Variants in STT3B observed in about 807,000 individuals in gnomAD.
STT3B encodes the protein dolichyl-diphosphooligosaccharide--protein glycosyltransferase subunit STT3B.
STT3B carries 29 observed loss-of-function variants against 96.8 expected under a neutral mutation model. The ratio of observed to expected loss-of-function variants is 0.30; its 90% confidence interval spans 0.22 to 0.41. The LOEUF is 0.41. STT3B is among the 10% of genes least tolerant of loss of function. The pLI is 1.00. For missense variants in STT3B, 640 were observed against 1,022.3 expected, an observed-to-expected ratio of 0.63 and a Z score of 5.10; for synonymous variants, 367 against 360.0, an observed-to-expected ratio of 1.02 and a Z score of -0.22.
rs1423814645 is a variant in STT3B at position 31,533,328 on chromosome 3, C to T, written c.314+16C>T. 2 of 1,509,512 alleles carry T rather than the reference C, an allele frequency of 1.3e-6. No individual in the cohort carries two copies. Among genetic ancestry groups the T allele is most frequent in the Non-Finnish European group, 1.8e-6 (2 of 1,127,554 alleles). 93.5% of individuals were successfully genotyped at this position (1,509,512 alleles called of 1,614,324 possible). On this transcript the variant is annotated intron_variant, in intron 1 of 15. Transcript: ENST00000295770. ...TCGACCCGTGGTAAGTGCCTCGCCG[C>T]CCCTCCCCCGCCCGTGGCCCGCGGG...
chr3:31,556,384 A>G (rs1697711927), intron 1 of STT3B, among the ~76,000 whole-genome samples: 1 of 152,078 alleles, frequency 6.6e-6, no homozygotes, highest in African/African-American at 2.4e-5. Context: ...TGTCCCTTTG[A>G]TGTACTAATT....
chr3:31,542,549 C>G (rs1697304880), intron 1 of STT3B, among the ~76,000 whole-genome samples: 1 of 152,168 alleles, frequency 6.6e-6, no homozygotes, highest in African/African-American at 2.4e-5. Flanking sequence ...CTACAGAATT[C>G]AAACTTAATA....
At chr3:31,598,554 C>T (rs962075428) in intron 4 of STT3B, among the ~76,000 whole-genome samples, 2 of 152,154 alleles carry the variant, frequency 1.3e-5, no homozygotes, top group African/African-American at 4.8e-5. Flanking sequence ...TGAAGGAAAA[C>T]TCTTAAAATG....
chr3:31,635,559 CAG>C (rs766225940), intron 15 of STT3B, among the ~76,000 whole-genome samples: 3 of 152,112 alleles, frequency 2.0e-5, no homozygotes, highest in Non-Finnish European at 4.4e-5. Flanking sequence ...TTACAGAAAA[CAG>C]GGACTCTAAG....
chr3:31,603,230 C>A (rs1559382544), intron 5 of STT3B, among the ~76,000 whole-genome samples: 1 of 151,982 alleles, frequency 6.6e-6, no homozygotes, highest in African/African-American at 2.4e-5. Flanking sequence ...AAGTTGTGTC[C>A]TCTTTGAGTA....
intron 1 of STT3B, among the ~76,000 whole-genome samples, chr3:31,571,949 T>C (rs1441895275): frequency 7.1e-6 from 1 of 141,300 alleles, no homozygotes; most frequent in African/African-American, 2.6e-5. Flanking sequence ...TATATAATAT[T>C]AAATATATAT....
At chr3:31,634,101 T>C (rs551332635) in intron 15 of STT3B, among the ~76,000 whole-genome samples, 10 of 152,352 alleles carry the variant, frequency 6.6e-5, no homozygotes, top group African/African-American at 2.2e-4. Context: ...ATGTGCCAGA[T>C]GTAAATTACC....
intron 2 of STT3B, among the ~76,000 whole-genome samples, chr3:31,578,722 G>A (rs890594777): frequency 1.3e-5 from 2 of 151,790 alleles, no homozygotes; most frequent in Non-Finnish European, 2.9e-5. Flanking sequence ...TAGGTATTGA[G>A]CATCCACTTT....
chr3:31,588,268 T>G (rs762941188), intron 3 of STT3B, among the ~76,000 whole-genome samples: 4 of 152,086 alleles, frequency 2.6e-5, no homozygotes, highest in Admixed American at 6.6e-5. Context: ...TTTTTTTTTG[T>G]GCAGGTACTA....
chr3:31,606,859 G>C (rs1205662768), intron 5 of STT3B, among the ~76,000 whole-genome samples: 1 of 152,180 alleles, frequency 6.6e-6, no homozygotes, highest in African/African-American at 2.4e-5. Flanking sequence ...CTCAATGCTA[G>C]CCCATGAAAG....
chr3:31,615,777 C>A (rs927448941), intron 6 of STT3B, among the ~76,000 whole-genome samples: 1 of 151,890 alleles, frequency 6.6e-6, no homozygotes, highest in African/African-American at 2.4e-5. Flanking sequence ...ATAATACTTA[C>A]TTAACCATTG....
At chr3:31,616,836 T>C in intron 6 of STT3B, 93 bp from the exon 7 acceptor site, 1 of 1,127,186 alleles carries the variant, frequency 8.9e-7, no homozygotes, top group Non-Finnish European at 1.3e-6. Flanking sequence ...ATATGAATGG[T>C]GCAGGACATT....
At position 31,617,034 on chromosome 3, in the gene STT3B, C is replaced by T; in HGVS notation, c.1082C>T (p.Ala361Val). Reference sequence around the variant, plus strand: ...TTCTTTTTGGGTGTATCACTAGCTGCAGGTGCTGTGTTCCTTAGTGTCATC... The same window carrying T: ...TTCTTTTTGGGTGTATCACTAGCTGTAGGTGCTGTGTTCCTTAGTGTCATC... Reference protein sequence around the residue: ...TLFFLGVSLAAGAVFLSVIYL... With the variant: ...TLFFLGVSLAVGAVFLSVIYL... Residue 361 changes from alanine (A) to valine (V), a missense_variant, in exon 7 of 16, where the codon GCA (alanine) becomes GTA (valine). By Grantham distance (64) the Ala-to-Val change is moderately conservative (BLOSUM62 0). Around this residue, in one of 8 missense-constraint regions of STT3B, gnomAD observed 267 missense variants for 388.3 expected, o/e 0.69. Coordinates refer to ENST00000295770, the MANE Select transcript of STT3B (RefSeq NM_178862.3). 2 of 1,611,506 alleles carry T rather than the reference C, an allele frequency of 1.2e-6. No individual in the cohort carries two copies. Among genetic ancestry groups the T allele is most frequent in the Non-Finnish European group, 1.7e-6 (2 of 1,178,106 alleles).
intron 3 of STT3B, among the ~76,000 whole-genome samples, chr3:31,581,905 A>G (rs749796487): frequency 7.2e-5 from 11 of 152,152 alleles, no homozygotes; most frequent in African/African-American, 1.4e-4. Context: ...CTATTTCATC[A>G]TGACTTAGTC....
rs748530623 is a variant in STT3B at position 31,533,364 on chromosome 3, C to G, written c.314+52C>G. ...CCCGTGGCCCGCGGGGAACCGGGAC[C>G]CGCTCCTCCGCCCGCCGCAGCTCTC... On this transcript the variant is annotated intron_variant, in intron 1 of 15. Transcript: ENST00000295770. 23 of 1,399,894 alleles carry G rather than the reference C, an allele frequency of 1.6e-5. No homozygotes were observed. In the African/African-American group the frequency reaches 2.8e-4, roughly 17 times the overall value. The allele number at this position is 1,399,894 out of a possible 1,614,324, so 86.7% of individuals were successfully genotyped here.
chr3:31,555,283 C>T (rs1323283476), intron 1 of STT3B, among the ~76,000 whole-genome samples: 1 of 152,118 alleles, frequency 6.6e-6, no homozygotes, highest in Non-Finnish European at 1.5e-5. Flanking sequence ...TTCAAATCCT[C>T]TTGTTATTCT....
At chr3:31,561,189 C>A (rs1175818760) in intron 1 of STT3B, among the ~76,000 whole-genome samples, 2 of 150,858 alleles carry the variant, frequency 1.3e-5, no homozygotes, top group Admixed American at 1.3e-4. Context: ...TCAGAATTCT[C>A]TTGTATCCTA....
intron 1 of STT3B, among the ~76,000 whole-genome samples, chr3:31,574,290 T>C (rs62234750): frequency 0.23 from 34,778 of 152,036 alleles, 4,415 homozygotes; most frequent in Admixed American, 0.41. Context: ...GAGCTATTTT[T>C]AGTTTTTGCT....
intron 3 of STT3B, 110 bp from the exon 4 acceptor site, chr3:31,596,688 A>T: frequency 1.3e-6 from 1 of 758,732 alleles, no homozygotes; most frequent in Non-Finnish European, 2.2e-6. Flanking sequence ...AGTATTTTTT[A>T]GAATAACCTT....
Sources: allele counts gnomAD v4.1 joint callset (sites outside exome capture counted in the v4.1 genomes callset), GRCh38; gene constraint gnomAD v4.1.1; regional missense constraint gnomAD v4.1.1; transcripts MANE v1.5; gene names NCBI Gene and HGNC (gene_info 2026-07-23, HGNC 2026-07-21).